ABCC5: variants seen among roughly 807,000 people sequenced by gnomAD.
ABCC5 encodes the protein ATP-binding cassette sub-family C member 5.
Under a neutral mutation model 160.9 loss-of-function variants are expected in ABCC5, and 61 were observed. That is an observed-to-expected ratio of 0.38 (90% CI 0.31 to 0.47). The LOEUF (loss-of-function observed/expected upper bound fraction) is 0.47. ABCC5 is among the 20% of genes least tolerant of loss of function. The pLI is 0.99. For missense variants in ABCC5, 1,308 were observed against 1,813.3 expected, an observed-to-expected ratio of 0.72 and a Z score of 5.06; for synonymous variants, 666 against 700.6, an observed-to-expected ratio of 0.95 and a Z score of 0.78.
intron 9 of ABCC5, among the ~76,000 whole-genome samples, 170 bp from the exon 10 acceptor site, chr3:183,977,794 C>G (rs1718355437): frequency 6.6e-6 from 1 of 152,146 alleles, no homozygotes. Context: ...GCTCTGTCGC[C>G]CAGGCTGGAG....
chr3:183,977,110 G>A (rs1209880734), intron 10 of ABCC5, among the ~76,000 whole-genome samples: 4 of 152,178 alleles, frequency 2.6e-5, no homozygotes, highest in African/African-American at 9.7e-5. Flanking sequence ...GTATCAAAAA[G>A]GATTCAGCAT....
intron 5 of ABCC5, chr3:183,984,453 C>T: frequency 9.8e-7 from 1 of 1,021,498 alleles, no homozygotes; most frequent in Non-Finnish European, 1.2e-6. Context: ...GGAGGCCAGA[C>T]ACCACGGTCT....
At chr3:183,952,620 C>G (rs1715482075) in intron 18 of ABCC5, among the ~76,000 whole-genome samples, 1 of 152,174 alleles carries the variant, frequency 6.6e-6, no homozygotes. Context: ...TGAGATCTGA[C>G]AGTTTAAAAG....
At position 183,981,666 on chromosome 3, in the gene ABCC5, A is replaced by T. The variant is rs28365008; in HGVS notation, c.1147+61T>A. On this transcript the variant is annotated intron_variant, in intron 8 of 29. Coordinates refer to ENST00000334444, the MANE Select transcript of ABCC5 (RefSeq NM_005688.4). ...GCTCAGAAAGCAAAGTGTGTGAATTATAAGACCCAAAGAATCCAAGGTCCT... is the reference window on the plus strand; with the variant it reads ...GCTCAGAAAGCAAAGTGTGTGAATTTTAAGACCCAAAGAATCCAAGGTCCT... The T allele has an allele frequency of 7.1e-4, 1,110 of 1,574,242 alleles. 1 individual carries two copies. Among genetic ancestry groups the T allele is most frequent in the Non-Finnish European group, 9.3e-4 (1,072 of 1,155,930 alleles).
chr3:184,011,788 A>C (rs1175291133), intron 2 of ABCC5, among the ~76,000 whole-genome samples: 3 of 152,216 alleles, frequency 2.0e-5, no homozygotes, highest in Non-Finnish European at 2.9e-5. Flanking sequence ...TGAGTGAAAA[A>C]AGCAATCTCG....
intron 18 of ABCC5, 139 bp from the exon 19 acceptor site, chr3:183,952,142 C>CTA: frequency 1.4e-5 from 8 of 586,460 alleles, no homozygotes; most frequent in East Asian, 3.1e-5. Flanking sequence ...CTTTGTCCAC[C>CTA]TCTTTTTTTT....
chr3:183,948,792 T>C (rs926781423), intron 22 of ABCC5, among the ~76,000 whole-genome samples: 10 of 152,178 alleles, frequency 6.6e-5, no homozygotes, highest in Non-Finnish European at 1.5e-4. Flanking sequence ...AACCTTTGTC[T>C]CCTGGGTTCA....
intron 2 of ABCC5, among the ~76,000 whole-genome samples, chr3:183,994,667 C>G (rs1409394628): frequency 6.6e-6 from 1 of 152,082 alleles, no homozygotes; most frequent in Non-Finnish European, 1.5e-5. Flanking sequence ...AGCCACCGCA[C>G]CTGGCCAGTA....
rs760462740 is a variant in ABCC5, at chr3:183,961,521, G to A, written c.2369C>T (p.Pro790Leu). The stretch of plus-strand genomic sequence containing the variant: ...ACCATCAGATCTTACCTCAACTGGC[G>A]GTGTCTCTCCCAGCAACAGGTTATT... ...IFNNLLLGET[P>L]PVEINSKKET... The change falls in exon 16 of 30, where the codon CCG becomes CTG. Residue 790 changes from proline (P) to leucine (L), a missense_variant. Pro to Leu is a moderately conservative substitution (Grantham distance 98). Around this residue, in one of 3 missense-constraint regions of ABCC5, gnomAD observed 1,142 missense variants for 1,527.1 expected, o/e 0.75. Transcript: ENST00000334444. 3.1e-6 allele frequency: 5 copies of A among 1,614,042 alleles called. No individual in the cohort carries two copies. The highest frequency in any genetic ancestry group is 2.2e-5 in the East Asian group (1 of 44,878).
intron 22 of ABCC5, among the ~76,000 whole-genome samples, chr3:183,948,665 G>C (rs548959960): frequency 1.6e-4 from 24 of 151,868 alleles, no homozygotes; most frequent in African/African-American, 5.8e-4. Context: ...GCAACTAACA[G>C]GTTTTTTTTT....
At chr3:183,964,006 C>T (rs1252432325) in intron 14 of ABCC5, among the ~76,000 whole-genome samples, 1 of 152,206 alleles carries the variant, frequency 6.6e-6, no homozygotes, top group African/African-American at 2.4e-5. Context: ...CCTTTGTCAC[C>T]CAGTTCCCCA....
In ABCC5 at chr3:184,016,993, G is replaced by C. The variant is rs7643273; in HGVS notation, c.-56+837C>G. Among the ~76,000 whole-genome samples the C allele has an allele frequency of 9.4e-3, 1,436 of 152,236 alleles. 18 individuals are homozygous for C. The highest frequency in any genetic ancestry group is 0.034 in the Middle Eastern group (10 of 294). ...CACGAGGAAGACACCACGCTAAAGG[G>C]ATACGTATTTACCACACCCACTGTA... On this transcript the variant is annotated intron_variant, in intron 1 of 29. Coordinates refer to ENST00000334444, the MANE Select transcript of ABCC5 (RefSeq NM_005688.4).
Position 183,947,320 on chromosome 3 carries a change from T to C in ABCC5, c.3414+4A>G. 6.3e-7 allele frequency: 1 copy of C among 1,581,842 alleles called. No homozygotes were observed. The highest frequency in any genetic ancestry group is 8.6e-7 in the Non-Finnish European group (1 of 1,159,394). On this transcript the variant is annotated splice_donor_region_variant and intron_variant, in intron 23 of 29. Transcript: ENST00000334444. Reference sequence around the variant, plus strand: ...AAGATGACGCTCCTATCCCAGAGACTGACCTGGACAGCATAAGAGATGGCG... The same window carrying C: ...AAGATGACGCTCCTATCCCAGAGACCGACCTGGACAGCATAAGAGATGGCG...
At chr3:183,933,620 C>A (rs1713395205) in intron 26 of ABCC5, among the ~76,000 whole-genome samples, 1 of 152,134 alleles carries the variant, frequency 6.6e-6, no homozygotes, top group South Asian at 2.1e-4. Context: ...AGAGCTCAAG[C>A]CCACACAGGC....
chr3:183,935,670 C>A (rs745414092), intron 26 of ABCC5, among the ~76,000 whole-genome samples: 6 of 150,636 alleles, frequency 4.0e-5, no homozygotes, highest in Non-Finnish European at 8.9e-5. Flanking sequence ...GGCCACCACA[C>A]CTGGCTAATT....
intron 24 of ABCC5, among the ~76,000 whole-genome samples, chr3:183,944,409 T>C (rs1342595768): frequency 6.6e-6 from 1 of 150,732 alleles, no homozygotes; most frequent in East Asian, 1.9e-4. Flanking sequence ...AATAAAAAAA[T>C]AAAAAATAAA....
chr3:183,966,906 G>A (rs1008168599), intron 12 of ABCC5, among the ~76,000 whole-genome samples: 2 of 152,124 alleles, frequency 1.3e-5, no homozygotes, highest in Admixed American at 1.3e-4. Context: ...TCAATTCAGT[G>A]GACCTTATCC....
At chr3:183,927,224 C>T in intron 28 of ABCC5, 106 bp downstream of exon 28, 1 of 1,125,874 alleles carries the variant, frequency 8.9e-7, no homozygotes. Context: ...TTAGAAAGTG[C>T]CAACAGGGAT....
In ABCC5 at chr3:183,981,809, G is replaced by C. The variant is rs748730702; in HGVS notation, c.1065C>G (p.Val355=). Residue 355 remains valine, a synonymous_variant, in exon 8 of 30, where the codon GTC becomes GTG. Coordinates refer to ENST00000334444, the MANE Select transcript of ABCC5 (RefSeq NM_005688.4). The part of the protein sequence containing the change: ...RKCVAATDER[V]QKMNEVLTYI... The stretch of plus-strand genomic sequence containing the variant: ...AAGTAAGAACTTCATTCATCTTCTG[G>C]ACACGTTCATCCGTGGCGGCCACGC... 3.0e-5 allele frequency: 49 copies of C among 1,611,736 alleles called. No individual in the cohort carries two copies. The highest frequency in any genetic ancestry group is 3.9e-5 in the Non-Finnish European group (46 of 1,179,402).
Sources: gnomAD v4.1 joint callset for allele counts (sites outside exome capture counted in the v4.1 genomes callset) on GRCh38, gnomAD v4.1.1 for gene constraint, gnomAD v4.1.1 regional missense constraint, MANE v1.5 for transcripts, NCBI Gene and HGNC (gene_info 2026-07-23, HGNC 2026-07-21) for gene names.